NDUFA10: variants seen among roughly 807,000 people sequenced by gnomAD.
NDUFA10 encodes NADH:ubiquinone oxidoreductase subunit A10, also known as NADH dehydrogenase [ubiquinone] 1 alpha subcomplex subunit 10, mitochondrial.
In NDUFA10, 40 loss-of-function variants were observed where a neutral mutation model predicts 47.8. That is an observed-to-expected ratio of 0.84 (90% CI 0.65 to 1.09). NDUFA10 has a LOEUF of 1.09. NDUFA10 is among the 50% of genes least tolerant of loss of function. NDUFA10 has a pLI of 0.00. For synonymous variants in NDUFA10, 183 were observed against 172.2 expected, an observed-to-expected ratio of 1.06 and a Z score of -0.49; for missense variants, 413 against 451.1, an observed-to-expected ratio of 0.92 and a Z score of 0.76.
intron 9 of NDUFA10, among the ~76,000 whole-genome samples, chr2:239,965,673 C>T (rs915862164): frequency 2.0e-5 from 3 of 152,226 alleles, no homozygotes; most frequent in East Asian, 1.9e-4. Flanking sequence ...CTCAGGTGAA[C>T]TATCAAGGCC....
intron 1 of NDUFA10, 35 bp from the exon 2 acceptor site, chr2:240,022,375 G>A (rs778454541): frequency 1.2e-6 from 2 of 1,613,360 alleles, no homozygotes; most frequent in African/African-American, 1.3e-5. Flanking sequence ...AGCACATTGT[G>A]ACCACTCTGG....
At chr2:239,942,710 C>T (rs951054825) in intron 4 of NDUFA10, among the ~76,000 whole-genome samples, 4 of 152,086 alleles carry the variant, frequency 2.6e-5, no homozygotes, top group Admixed American at 6.6e-5. Flanking sequence ...CACTGAGTCA[C>T]GGGTTTCTCT....
At chr2:239,892,620 A>G (rs1327578806) in exon 6 of NDUFA10, 1 of 152,236 alleles carries the variant, frequency 6.6e-6, no homozygotes, top group African/African-American at 2.4e-5. Flanking sequence ...CCAGGAACGG[A>G]TGGAAGCAGG....
At chr2:239,994,761 T>G (rs1238335473) in intron 8 of NDUFA10, among the ~76,000 whole-genome samples, 1 of 151,604 alleles carries the variant, frequency 6.6e-6, no homozygotes. Flanking sequence ...AATAATAGAG[T>G]ATATCATTTA....
rs188882578 is a variant in NDUFA10 at position 239,985,738 on chromosome 2, T to G, written c.999+4336A>C. 5.6e-3 allele frequency among the ~76,000 whole-genome samples: 847 copies of G among 151,882 alleles called. 4 individuals carry two copies. The highest frequency in any genetic ancestry group is 0.016 in the South Asian group (79 of 4,810). On this transcript the variant is annotated intron_variant, in intron 9 of 9. Coordinates refer to ENST00000252711, the MANE Select transcript of NDUFA10 (RefSeq NM_004544.4). Reference sequence around the variant, plus strand: ...TAGCCTGGCCAACATGGTGAAAACTTGTCTCTACTAAAAATACAAAAAATT... The same window carrying G: ...TAGCCTGGCCAACATGGTGAAAACTGGTCTCTACTAAAAATACAAAAAATT...
chr2:239,962,232 C>CAA (rs1279424513), intron 9 of NDUFA10, among the ~76,000 whole-genome samples: 1 of 152,060 alleles, frequency 6.6e-6, no homozygotes, highest in African/African-American at 2.4e-5. Flanking sequence ...CACACACACA[C>CAA]ACACACACCC....
intron 8 of NDUFA10, among the ~76,000 whole-genome samples, chr2:240,000,380 T>A (rs552255991): frequency 8.1e-4 from 124 of 152,220 alleles, no homozygotes; most frequent in African/African-American, 2.9e-3. Context: ...ACTGTGTTTG[T>A]ATCTTAACTA....
At position 239,906,477 on chromosome 2, in the gene NDUFA10, CA is replaced by C. The variant is rs1435827890; in HGVS notation, c.295-11164del. Among the ~76,000 whole-genome samples the C allele has an allele frequency of 6.6e-6, 1 of 152,150 alleles. No individual in the cohort carries two copies. The highest frequency in any genetic ancestry group is 1.9e-4 in the East Asian group (1 of 5,180). On this transcript the variant is annotated intron_variant, in intron 4 of 5. Transcript: ENST00000419408. The surrounding 1 kb of genome is among the most constrained non-coding windows in gnomAD (Gnocchi z 4.3). Reference sequence around the variant, plus strand: ...GAACACCAGACGGGGGCCCCCACGCCAATTCATGGAGTCCCCGCACTTATAG... The same window carrying C: ...GAACACCAGACGGGGGCCCCCACGCCATTCATGGAGTCCCCGCACTTATAG...
intron 8 of NDUFA10, among the ~76,000 whole-genome samples, chr2:239,995,312 C>T (rs976391222): frequency 3.9e-5 from 6 of 152,070 alleles, no homozygotes; most frequent in Non-Finnish European, 8.8e-5. Flanking sequence ...GCAGCCATGT[C>T]ACAGTGACAG....
At chr2:239,944,674 C>T (rs1003040976) in intron 4 of NDUFA10, among the ~76,000 whole-genome samples, 2 of 152,180 alleles carry the variant, frequency 1.3e-5, no homozygotes, top group African/African-American at 4.8e-5. Context: ...CACCAGTGTG[C>T]CTAATGGAAG....
intron 9 of NDUFA10, among the ~76,000 whole-genome samples, chr2:239,989,673 C>T (rs192405972): frequency 6.6e-6 from 1 of 152,254 alleles, no homozygotes; most frequent in East Asian, 1.9e-4. Context: ...GCTCTGCCTG[C>T]CCTCCCTATG....
intron 8 of NDUFA10, among the ~76,000 whole-genome samples, chr2:239,990,416 GC>G (rs1271900954): frequency 1.3e-5 from 2 of 152,176 alleles, no homozygotes; most frequent in Non-Finnish European, 2.9e-5. Context: ...TCTTTTAAAA[GC>G]CTCAGTACCT....
chr2:239,970,239 T>C (rs981802958), intron 9 of NDUFA10, among the ~76,000 whole-genome samples: 2 of 152,152 alleles, frequency 1.3e-5, no homozygotes, highest in Admixed American at 6.5e-5. Context: ...CAAGAGGCAA[T>C]GGAATATCTT....
intron 4 of NDUFA10, among the ~76,000 whole-genome samples, chr2:239,915,988 A>G (rs900363827): frequency 6.7e-6 from 1 of 149,788 alleles, no homozygotes; most frequent in Non-Finnish European, 1.5e-5. Flanking sequence ...ACACACACCC[A>G]TACACAGATA....
At chr2:239,968,745 G>A (rs1695192536) in intron 9 of NDUFA10, among the ~76,000 whole-genome samples, 1 of 152,170 alleles carries the variant, frequency 6.6e-6, no homozygotes, top group Non-Finnish European at 1.5e-5. Flanking sequence ...CCATGAAGCT[G>A]GACAAAGTCG....
intron 3 of NDUFA10, among the ~76,000 whole-genome samples, chr2:240,020,498 G>T (rs541656442): frequency 6.6e-6 from 1 of 152,300 alleles, no homozygotes; most frequent in South Asian, 2.1e-4. Flanking sequence ...AATGATTACA[G>T]TAACCCGTCG....
chr2:239,987,335 G>A lies in NDUFA10; in HGVS notation c.999+2739C>T, dbSNP rs1696040801. ...ACCAGGCGCTGTGCATCGACAGGAG[G>A]ACTCGCTCGAATGCGTGTCTGGGCC... On this transcript the variant is annotated intron_variant, in intron 9 of 9. Coordinates refer to ENST00000252711, the MANE Select transcript of NDUFA10 (RefSeq NM_004544.4). The surrounding 1 kb of genome is among the most constrained non-coding windows in gnomAD (Gnocchi z 4.8). Among the ~76,000 whole-genome samples, 2 of 151,916 alleles carry A rather than the reference G, an allele frequency of 1.3e-5. No individual in the cohort carries two copies. The highest frequency in any genetic ancestry group is 1.3e-4 in the Admixed American group (2 of 15,254).
chr2:240,025,187 CCT>C (rs759207144), intron 1 of NDUFA10, 38 bp downstream of exon 1: 65 of 966,380 alleles, frequency 6.7e-5, no homozygotes, highest in African/African-American at 7.9e-5. Flanking sequence ...ACCCCGCCAC[CCT>C]GCCACCCCGC....
rs1380084722 is a variant in NDUFA10 at position 239,967,977 on chromosome 2, T to TACACACACACACACACACAC, written c.1000-6792_1000-6791insGTGTGTGTGTGTGTGTGTGT. Among the ~76,000 whole-genome samples the TACACACACACACACACACAC allele has an allele frequency of 1.1e-3, 160 of 139,626 alleles. 2 individuals carry two copies. Among genetic ancestry groups the TACACACACACACACACACAC allele is most frequent in the African/African-American group, 4.1e-3 (149 of 36,082 alleles). 91.6% of individuals were successfully genotyped at this position (139,626 alleles called of 152,430 possible). A position where few individuals can be genotyped will look rare whatever the true frequency, so the allele number is the denominator to read the frequency against. On this transcript the variant is annotated intron_variant, in intron 9 of 9. Transcript: ENST00000252711. ...CACAGAAATCAGTCAAGGAAAAAAA[T>TACACACACACACACACACAC]ATACACACACACACACACACACACA...
Sources: allele counts gnomAD v4.1 joint callset (sites outside exome capture counted in the v4.1 genomes callset), GRCh38; gene constraint gnomAD v4.1.1; non-coding constraint Gnocchi (gnomAD v3.1); transcripts MANE v1.5; gene names NCBI Gene and HGNC (gene_info 2026-07-23, HGNC 2026-07-21).